MAF: variants seen among roughly 807,000 people sequenced by gnomAD.
The protein encoded by MAF is transcription factor Maf.
Under a neutral mutation model 22.0 loss-of-function variants are expected in MAF, and 10 were observed. The observed-to-expected ratio is 0.45, with a 90% CI of 0.28 to 0.77. The LOEUF is 0.77. MAF is among the 30% of genes least tolerant of loss of function. The probability of loss-of-function intolerance (pLI) is 0.12; values close to 1 mark genes in which losing one functional copy is unlikely to be tolerated. For synonymous variants in MAF, 337 were observed against 255.8 expected (o/e 1.32, Z -3.03); for missense variants, 544 against 548.4 (o/e 0.99, Z 0.08).
the MAF span, among the ~76,000 whole-genome samples, chr16:79,468,705 T>C: frequency 6.6e-6 from 1 of 152,170 alleles, no homozygotes; most frequent in South Asian, 2.1e-4. Flanking sequence ...CCCCCATGCC[T>C]GGGAAGTTTC....
At chr16:79,314,343 C>T in the MAF span, among the ~76,000 whole-genome samples, 2 of 152,170 alleles carry the variant, frequency 1.3e-5, no homozygotes, top group African/African-American at 4.8e-5. Flanking sequence ...TCATAAGTAC[C>T]CCAGGGCTCT....
the MAF span, among the ~76,000 whole-genome samples, chr16:79,489,531 C>T: frequency 2.8e-4 from 42 of 152,314 alleles, no homozygotes; most frequent in African/African-American, 1.0e-3. Flanking sequence ...GAGGGAGGAA[C>T]TTCCCTGTTG....
At chr16:79,479,587 C>G in the MAF span, among the ~76,000 whole-genome samples, 1 of 152,188 alleles carries the variant, frequency 6.6e-6, no homozygotes. Context: ...GTCCCCCTCT[C>G]TAGAGCCGAG....
At chr16:79,210,917 T>A in the MAF span, among the ~76,000 whole-genome samples, 1 of 152,196 alleles carries the variant, frequency 6.6e-6, no homozygotes, top group Non-Finnish European at 1.5e-5. Context: ...ATGTACCCCC[T>A]TACCTGTGGT....
chr16:79,317,129 C>CTCCCTCCCTCCT, the MAF span, among the ~76,000 whole-genome samples: 3 of 151,132 alleles, frequency 2.0e-5, no homozygotes, highest in African/African-American at 7.3e-5. Flanking sequence ...CTCTGTCTCT[C>CTCCCTCCCTCCT]TCCCTCCCTC....
At chr16:79,373,293 T>G in the MAF span, among the ~76,000 whole-genome samples, 2 of 147,672 alleles carry the variant, frequency 1.4e-5, no homozygotes, top group Admixed American at 1.4e-4. Context: ...TCAAGAGGGC[T>G]CTGTCCTGTT....
the MAF span, among the ~76,000 whole-genome samples, chr16:79,480,986 G>A: frequency 9.2e-5 from 14 of 152,208 alleles, no homozygotes; most frequent in Admixed American, 6.5e-4. Context: ...CCAACTCCAC[G>A]TCCCCTCGCT....
At chr16:79,500,753 T>C in the MAF span, among the ~76,000 whole-genome samples, 2 of 152,144 alleles carry the variant, frequency 1.3e-5, no homozygotes, top group African/African-American at 4.8e-5. Flanking sequence ...GTAAAAAAAG[T>C]ACCAGTAGAG....
At chr16:79,483,484 G>A in the MAF span, among the ~76,000 whole-genome samples, 4 of 151,158 alleles carry the variant, frequency 2.6e-5, no homozygotes, top group South Asian at 8.4e-4. Flanking sequence ...CAGGCCCGGA[G>A]GGGAAGCAAT....
the MAF span, among the ~76,000 whole-genome samples, chr16:79,503,088 T>C: frequency 6.7e-4 from 102 of 152,188 alleles, no homozygotes; most frequent in Non-Finnish European, 1.3e-3. Context: ...ATTCAAGATA[T>C]TAAGTTGCTA....
the MAF span, among the ~76,000 whole-genome samples, chr16:79,407,905 G>A: frequency 6.6e-6 from 1 of 152,006 alleles, no homozygotes; most frequent in Admixed American, 6.6e-5. Flanking sequence ...ATTTGCAGCT[G>A]ACAGACAAGG....
At chr16:79,595,829 A>G in intron 1 of MAF, 1 of 1,058,526 alleles carries the variant, frequency 9.4e-7, no homozygotes, top group Non-Finnish European at 1.1e-6. Flanking sequence ...ATATGATTTG[A>G]TAACATAGTT....
At chr16:79,497,845 C>G in the MAF span, among the ~76,000 whole-genome samples, 1 of 152,208 alleles carries the variant, frequency 6.6e-6, no homozygotes, top group Non-Finnish European at 1.5e-5. Flanking sequence ...GATACAGCAG[C>G]GCTGATTCCT....
chr16:79,228,332 T>C, the MAF span, among the ~76,000 whole-genome samples: 12 of 152,076 alleles, frequency 7.9e-5, no homozygotes, highest in African/African-American at 2.4e-4. Flanking sequence ...AATTCACCCA[T>C]TAACTATCAG....
At chr16:79,261,860 T>C in the MAF span, among the ~76,000 whole-genome samples, 1 of 152,094 alleles carries the variant, frequency 6.6e-6, no homozygotes, top group African/African-American at 2.4e-5. Flanking sequence ...TGGAGGTTAG[T>C]GGAAGGGAGG....
the MAF span, among the ~76,000 whole-genome samples, chr16:79,316,649 T>C: frequency 2.0e-4 from 31 of 152,318 alleles, no homozygotes; most frequent in East Asian, 3.9e-3. Context: ...CATGCCAAGA[T>C]ATGCCTTCAG....
the MAF span, among the ~76,000 whole-genome samples, chr16:79,553,227 G>A: frequency 1.7e-4 from 26 of 152,342 alleles, no homozygotes; most frequent in South Asian, 4.1e-4. Context: ...AATGGCAGCC[G>A]TTCCTCAAGG....
At chr16:79,445,236 G>A in the MAF span, among the ~76,000 whole-genome samples, 1 of 151,190 alleles carries the variant, frequency 6.6e-6, no homozygotes, top group Non-Finnish European at 1.5e-5. Context: ...GTAGAGATGG[G>A]GTTTCACCAT....
At chr16:79,512,796 G>C in the MAF span, among the ~76,000 whole-genome samples, 1 of 152,214 alleles carries the variant, frequency 6.6e-6, no homozygotes, top group Non-Finnish European at 1.5e-5. Context: ...CTCTTCCAAG[G>C]GTTAAGGATG....
Sources: allele counts gnomAD v4.1 joint callset (sites outside exome capture counted in the v4.1 genomes callset), GRCh38; gene constraint gnomAD v4.1.1; transcripts MANE v1.5; gene names NCBI Gene and HGNC (gene_info 2026-07-23, HGNC 2026-07-21).